PRAME: variants seen among roughly 807,000 people sequenced by gnomAD.
PRAME encodes the protein PRAME nuclear receptor transcriptional regulator, also known as melanoma antigen preferentially expressed in tumors.
Under a neutral mutation model 32.1 loss-of-function variants are expected in PRAME, and 21 were observed. The observed-to-expected ratio is 0.65, with a 90% CI of 0.46 to 0.94. The LOEUF (loss-of-function observed/expected upper bound fraction) is 0.94. Among genes scored for constraint, PRAME ranks in the 40% least tolerant of loss-of-function variants. PRAME has a pLI of 0.00. For missense variants in PRAME, 651 were observed against 622.3 expected, an observed-to-expected ratio of 1.05 and a Z score of -0.49; for synonymous variants, 274 against 251.5, an observed-to-expected ratio of 1.09 and a Z score of -0.85.
chr22:22,548,592 C>G lies in PRAME; in HGVS notation c.1005G>C (p.Ser335=). The G allele has an allele frequency of 6.2e-7, 1 of 1,610,946 alleles. No individual in the cohort carries two copies. ...GGGACAGATGCATCACATCCCCTTC[C>G]GAAAGCCGGCAGTTAGTTATTGAGA... ...ETLSITNCRL[S]EGDVMHLSQS... is the part of the protein sequence containing the mutation. The change falls in exon 6 of 6, where the codon TCG becomes TCC. Residue 335 remains serine, a synonymous_variant. Transcript: ENST00000405655.
At chr22:22,552,916 G>A (rs1359094434) in intron 3 of PRAME, 1 of 470,802 alleles carries the variant, frequency 2.1e-6, no homozygotes, top group South Asian at 1.5e-5. Context: ...AGCTATTACA[G>A]GCCTTTCTGG....
chr22:22,548,417 G>C lies in PRAME; in HGVS notation c.1180C>G (p.Gln394Glu). ...VFDECGITDDQLLALLPSLSH... is the reference protein window; with the variant it reads ...VFDECGITDDELLALLPSLSH... ...AGGGAAGGCAGGAGGGCAAGGAGCT[G>C]ATCATCCGTGATCCCACACTCATCA... Residue 394 changes from glutamine (Q) to glutamate (E), a missense_variant, in exon 6 of 6, where the codon CAG (glutamine) becomes GAG (glutamate). Transcript: ENST00000405655. The C allele has an allele frequency of 6.2e-7, 1 of 1,613,584 alleles. No individual in the cohort carries two copies.
At chr22:22,552,484 A>T (rs1388236147) in intron 3 of PRAME, among the ~76,000 whole-genome samples, 1 of 151,614 alleles carries the variant, frequency 6.6e-6, no homozygotes, top group East Asian at 2.0e-4. Flanking sequence ...TTGGGATTCA[A>T]TATAAATAAT....
chr22:22,558,503 G>A (rs1438819522), intron 1 of PRAME, among the ~76,000 whole-genome samples: 2 of 103,192 alleles, frequency 1.9e-5, no homozygotes, highest in African/African-American at 7.7e-5. Flanking sequence ...GGGTTGGGGA[G>A]GGGGAGGGAA....
intron 2 of PRAME, 121 bp from the exon 3 acceptor site, chr22:22,557,030 T>C: frequency 1.5e-6 from 1 of 647,682 alleles, no homozygotes; most frequent in South Asian, 1.8e-5. Flanking sequence ...GGCGACTCAA[T>C]CCCGCCCTTT....
chr22:22,547,968 T>G lies in PRAME; in HGVS notation c.*99A>C, dbSNP rs557920541. The G allele has an allele frequency of 1.9e-4, 246 of 1,283,336 alleles. No individual in the cohort carries two copies. In the South Asian group the frequency reaches 3.4e-3, roughly 18 times the overall value. 79.5% of individuals were successfully genotyped at this position (1,283,336 alleles called of 1,614,324 possible). A position where few individuals can be genotyped will look rare whatever the true frequency, so the allele number is the denominator to read the frequency against. ...TGTTTTCCTCACTCACACTGAACAT[T>G]TGTCTGAAACTGTGGCTGCTTTGTT... On this transcript the variant is annotated 3_prime_UTR_variant, in exon 6 of 6. Coordinates refer to ENST00000405655, the MANE Select transcript of PRAME (RefSeq NM_206956.3).
intron 5 of PRAME, among the ~76,000 whole-genome samples, chr22:22,549,342 C>T (rs1017254197): frequency 3.3e-5 from 5 of 151,886 alleles, no homozygotes; most frequent in African/African-American, 9.7e-5. Flanking sequence ...AGCTGGTGAG[C>T]GCACAGCTTA....
chr22:22,557,030 TC>T, intron 2 of PRAME, 121 bp from the exon 3 acceptor site: 1 of 647,682 alleles, frequency 1.5e-6, no homozygotes, highest in Non-Finnish European at 2.7e-6. Flanking sequence ...GGCGACTCAA[TC>T]CCGCCCTTTC....
At chr22:22,556,496 G>A (rs1220851880) in intron 3 of PRAME, among the ~76,000 whole-genome samples, 1 of 151,668 alleles carries the variant, frequency 6.6e-6, no homozygotes, top group East Asian at 2.0e-4. Flanking sequence ...ACTTTTAGTA[G>A]ACGCGGGGTT....
In PRAME at chr22:22,556,807, C is replaced by A; in HGVS notation, c.21+5G>T. 1.2e-6 allele frequency: 2 copies of A among 1,612,734 alleles called. No homozygotes were observed. Among genetic ancestry groups the A allele is most frequent in the Non-Finnish European group, 1.7e-6 (2 of 1,179,838 alleles). On this transcript the variant is annotated splice_donor_5th_base_variant and intron_variant, in intron 3 of 5. Transcript: ENST00000405655. Reference sequence around the variant, plus strand: ...CACCTCAGACAGCTCAGGGGACCTTCTTACCCACAAACGCCTTCGTTCCAT... The same window carrying A: ...CACCTCAGACAGCTCAGGGGACCTTATTACCCACAAACGCCTTCGTTCCAT...
intron 3 of PRAME, 97 bp downstream of exon 3, chr22:22,556,715 G>T: frequency 7.0e-7 from 1 of 1,437,200 alleles, no homozygotes; most frequent in Non-Finnish European, 9.7e-7. Context: ...CTACTGTGAG[G>T]GACCTCAGGA....
intron 3 of PRAME, among the ~76,000 whole-genome samples, chr22:22,552,480 T>C (rs1428604401): frequency 6.6e-6 from 1 of 151,536 alleles, no homozygotes; most frequent in Non-Finnish European, 1.5e-5. Context: ...ATGTTTGGGA[T>C]TCAATATAAA....
At position 22,548,415 on chromosome 22, in the gene PRAME, C is replaced by G; in HGVS notation, c.1182G>C (p.Gln394His). ...VFDECGITDD[Q>H]LLALLPSLSH... ...TCAGGGAAGGCAGGAGGGCAAGGAG[C>G]TGATCATCCGTGATCCCACACTCAT... Residue 394 changes from glutamine (Q) to histidine (H), a missense_variant, in exon 6 of 6, where the codon CAG becomes CAC. Physicochemically the swap from Gln to His is conservative, Grantham distance 24 (BLOSUM62 0). Coordinates refer to ENST00000405655, the MANE Select transcript of PRAME (RefSeq NM_206956.3). 6.2e-7 allele frequency: 1 copy of G among 1,613,554 alleles called. No individual in the cohort carries two copies. The highest frequency in any genetic ancestry group is 8.5e-7 in the Non-Finnish European group (1 of 1,179,934).
intron 3 of PRAME, among the ~76,000 whole-genome samples, chr22:22,553,427 CA>C (rs2062717924): frequency 6.6e-6 from 1 of 151,856 alleles, no homozygotes; most frequent in Non-Finnish European, 1.5e-5. Context: ...TGGATTACCA[CA>C]AAGACAGATA....
At chr22:22,549,703 A>G (rs1342135158) in intron 5 of PRAME, 23 bp downstream of exon 5, 3 of 1,567,666 alleles carry the variant, frequency 1.9e-6, no homozygotes, top group Non-Finnish European at 2.6e-6. Context: ...TCTGGTCTGC[A>G]GAGAAATCTC....
At chr22:22,550,420 A>AC in intron 4 of PRAME, 86 bp from the exon 5 acceptor site, 1 of 1,479,986 alleles carries the variant, frequency 6.8e-7, no homozygotes, top group Non-Finnish European at 9.1e-7. Context: ...GTAGGTAAGA[A>AC]CCAAACAGAC....
intron 3 of PRAME, among the ~76,000 whole-genome samples, chr22:22,551,995 C>T (rs1355167189): frequency 1.3e-5 from 2 of 150,500 alleles, no homozygotes; most frequent in African/African-American, 2.4e-5. Flanking sequence ...TTGAAAAAGC[C>T]TCCACCCTCC....
In PRAME at chr22:22,548,316, CAGGAGACTCTGCAGGGCAGATATGG is replaced by C; in HGVS notation, c.1256_1280del (p.Ser419CysfsTer7). ...GATTGCTCAGCCCGATGAGGTGCTG[CAGGAGACTCTGCAGGGCAGATATGG>C]AGATGGAATTCCCGTAGAAGCTTAA... On this transcript the variant is annotated frameshift_variant, in exon 6 of 6. Transcript: ENST00000405655. LOFTEE classifies it low-confidence loss of function (END_TRUNC). The C allele has an allele frequency of 6.2e-7, 1 of 1,613,718 alleles. No individual in the cohort carries two copies. The highest frequency in any genetic ancestry group is 1.1e-5 in the South Asian group (1 of 91,066).
intron 1 of PRAME, among the ~76,000 whole-genome samples, chr22:22,558,648 A>G (rs2063143077): frequency 1.9e-5 from 2 of 106,100 alleles, no homozygotes; most frequent in Admixed American, 9.1e-5. Flanking sequence ...CAGGGTGGAA[A>G]AAGGGGGTGC....
Sources: gnomAD v4.1 joint callset for allele counts (sites outside exome capture counted in the v4.1 genomes callset) on GRCh38, gnomAD v4.1.1 for gene constraint, MANE v1.5 for transcripts, NCBI Gene and HGNC (gene_info 2026-07-23, HGNC 2026-07-21) for gene names.